SV2C: variants seen among roughly 807,000 people sequenced by gnomAD.
The protein encoded by SV2C is synaptic vesicle glycoprotein 2C, also known as solute carrier family 22 member B3.
SV2C carries 49 observed loss-of-function variants against 79.7 expected under a neutral mutation model. The ratio of observed to expected loss-of-function variants is 0.61; its 90% confidence interval spans 0.49 to 0.78. SV2C has a LOEUF of 0.78. Ranked by LOEUF, SV2C falls within the 30% of genes least tolerant of loss-of-function variation. SV2C has a pLI of 0.00. For synonymous variants in SV2C, 334 were observed against 333.2 expected (o/e 1.00, Z -0.03); for missense variants, 833 against 912.9 (o/e 0.91, Z 1.13).
chr5:76,018,597 T>C, the SV2C span, among the ~76,000 whole-genome samples: 4 of 152,206 alleles, frequency 2.6e-5, no homozygotes, highest in African/African-American at 4.8e-5. Context: ...TTATAGAGAA[T>C]GAGTCTACCA....
chr5:75,982,245 A>G, the SV2C span, among the ~76,000 whole-genome samples: 2 of 152,112 alleles, frequency 1.3e-5, no homozygotes, highest in Non-Finnish European at 2.9e-5. Context: ...AAAGAAAAAA[A>G]AAAAGAATTT....
intron 1 of SV2C, chr5:76,084,237 C>T (rs1244069015): frequency 6.6e-6 from 1 of 152,286 alleles, no homozygotes; most frequent in East Asian, 1.9e-4. Flanking sequence ...CTGCTGTGCG[C>T]CAGGCCAGGC....
chr5:76,240,479 A>G (rs1002803927), intron 4 of SV2C, among the ~76,000 whole-genome samples: 2 of 152,220 alleles, frequency 1.3e-5, no homozygotes, highest in African/African-American at 2.4e-5. Flanking sequence ...AGGGGAAGTA[A>G]CTAACTAGGA....
the SV2C span, among the ~76,000 whole-genome samples, chr5:75,903,734 T>C: frequency 6.6e-6 from 1 of 152,192 alleles, no homozygotes; most frequent in Non-Finnish European, 1.5e-5. Context: ...CTTCAGGGTG[T>C]TACAAATTTT....
intron 12 of SV2C, among the ~76,000 whole-genome samples, chr5:76,342,463 C>A (rs547524768): frequency 6.6e-6 from 1 of 152,180 alleles, no homozygotes; most frequent in African/African-American, 2.4e-5. Flanking sequence ...GAATAATTTA[C>A]GAGGATGAAT....
At chr5:75,860,384 G>A in the SV2C span, among the ~76,000 whole-genome samples, 1 of 152,128 alleles carries the variant, frequency 6.6e-6, no homozygotes, top group South Asian at 2.1e-4. Context: ...ATCTAACAAA[G>A]GAGGTGAAAG....
intron 4 of SV2C, among the ~76,000 whole-genome samples, chr5:76,260,923 T>C (rs1273513794): frequency 6.6e-6 from 1 of 150,762 alleles, no homozygotes; most frequent in East Asian, 1.9e-4. Context: ...CTTGGTTGTA[T>C]GGGCTCTTTT....
intron 7 of SV2C, 65 bp from the exon 8 acceptor site, chr5:76,291,703 A>AG: frequency 9.3e-7 from 1 of 1,078,636 alleles, no homozygotes; most frequent in East Asian, 2.5e-5. Context: ...ATTTGGTGGA[A>AG]GGGGTCGGGG....
chr5:76,173,741 G>C, intron 2 of SV2C: 1 of 1,612,530 alleles, frequency 6.2e-7, no homozygotes, highest in Non-Finnish European at 8.5e-7. Flanking sequence ...TTTTGATTTT[G>C]CAGAAGATTC....
chr5:76,130,174 AAAAAAAG>A (rs1251322120), intron 1 of SV2C, among the ~76,000 whole-genome samples: 47 of 122,884 alleles, frequency 3.8e-4, no homozygotes, highest in Middle Eastern at 4.6e-3. Context: ...AAAAAAAAAA[AAAAAAAG>A]AGCTGGGGGA....
At chr5:75,878,182 A>G in the SV2C span, among the ~76,000 whole-genome samples, 3 of 152,156 alleles carry the variant, frequency 2.0e-5, no homozygotes, top group Admixed American at 2.0e-4. Context: ...AAGGAAGTTG[A>G]AAATGCTATG....
the SV2C span, among the ~76,000 whole-genome samples, chr5:76,069,202 T>C: frequency 1.3e-5 from 2 of 152,182 alleles, no homozygotes; most frequent in African/African-American, 4.8e-5. Context: ...GGGGTGCAGA[T>C]TCTCTATATC....
chr5:76,137,649 A>C (rs751714841), intron 2 of SV2C, among the ~76,000 whole-genome samples: 31 of 152,368 alleles, frequency 2.0e-4, no homozygotes, highest in Non-Finnish European at 3.5e-4. Flanking sequence ...ACTAACAGCC[A>C]GAAGTAAATT....
the SV2C span, among the ~76,000 whole-genome samples, chr5:75,948,023 A>G: frequency 3.9e-5 from 6 of 152,200 alleles, no homozygotes; most frequent in East Asian, 5.8e-4. Context: ...TAGTAGCACA[A>G]TCAGGAATTT....
chr5:76,087,584 C>G, intron 1 of SV2C, among the ~76,000 whole-genome samples: 1 of 152,160 alleles, frequency 6.6e-6, no homozygotes, highest in Non-Finnish European at 1.5e-5. Flanking sequence ...ATTTCTGAGC[C>G]CCATTCTAGA....
chr5:75,920,772 T>G, the SV2C span: 2 of 779,374 alleles, frequency 2.6e-6, no homozygotes, highest in East Asian at 4.9e-5. Flanking sequence ...TTGGGTCCCG[T>G]TGGGGTGCTT....
the SV2C span, among the ~76,000 whole-genome samples, chr5:75,991,063 A>G: frequency 6.6e-6 from 1 of 152,012 alleles, no homozygotes; most frequent in Non-Finnish European, 1.5e-5. Flanking sequence ...GGATTTGTAC[A>G]TAACATCCTA....
chr5:76,168,147 C>A (rs776389110), intron 2 of SV2C, among the ~76,000 whole-genome samples: 41 of 151,996 alleles, frequency 2.7e-4, no homozygotes, highest in Non-Finnish European at 1.6e-4. Context: ...TAGATAGAGT[C>A]AAGGTCCATG....
At chr5:76,246,155 G>GA (rs935573704) in intron 4 of SV2C, among the ~76,000 whole-genome samples, 1 of 151,220 alleles carries the variant, frequency 6.6e-6, no homozygotes, top group African/African-American at 2.4e-5. Flanking sequence ...CACCATGTGG[G>GA]AAAAAAAAGA....
Sources: gnomAD v4.1 joint callset for allele counts (sites outside exome capture counted in the v4.1 genomes callset) on GRCh38, gnomAD v4.1.1 for gene constraint, MANE v1.5 for transcripts, NCBI Gene and HGNC (gene_info 2026-07-23, HGNC 2026-07-21) for gene names.